ST8SIA6: variants seen among roughly 807,000 people sequenced by gnomAD.
ST8SIA6 encodes alpha-2,8-sialyltransferase 8F.
A neutral mutation model predicts 33.6 loss-of-function variants in ST8SIA6; 39 were observed. The observed-to-expected ratio is 1.16, with a 90% CI of 0.90 to 1.52. The LOEUF is 1.52. Ranked by LOEUF, ST8SIA6 falls within the 40% of genes most tolerant of loss-of-function variation. The probability of loss-of-function intolerance (pLI) is 0.00; values close to 1 mark genes in which losing one functional copy is unlikely to be tolerated. For synonymous variants in ST8SIA6, 172 were observed against 167.2 expected (o/e 1.03, Z -0.22); for missense variants, 441 against 443.8 (o/e 0.99, Z 0.06).
chr10:17,388,512 TGA>T (rs920621307), intron 3 of ST8SIA6, among the ~76,000 whole-genome samples: 10 of 152,090 alleles, frequency 6.6e-5, no homozygotes, highest in Middle Eastern at 3.4e-3. Context: ...AGTGTGTGTG[TGA>T]GAGAGAGAGA....
chr10:17,367,983 C>T (rs922043456), intron 3 of ST8SIA6, among the ~76,000 whole-genome samples: 15 of 152,116 alleles, frequency 9.9e-5, no homozygotes, highest in Admixed American at 5.9e-4. Flanking sequence ...ATATCTATTA[C>T]GTATCCGTAC....
chr10:17,357,091 T>G (rs926727822), intron 4 of ST8SIA6, among the ~76,000 whole-genome samples: 5 of 151,896 alleles, frequency 3.3e-5, no homozygotes, highest in Non-Finnish European at 5.9e-5. Flanking sequence ...CAGATCTAAA[T>G]CCAGCTCAGG....
intron 5 of ST8SIA6, among the ~76,000 whole-genome samples, 170 bp downstream of exon 5, chr10:17,331,238 C>T (rs1024215721): frequency 1.3e-5 from 2 of 152,168 alleles, no homozygotes; most frequent in African/African-American, 4.8e-5. Context: ...TACAGAGCCA[C>T]ACTGCATTCA....
intron 4 of ST8SIA6, among the ~76,000 whole-genome samples, chr10:17,351,123 A>C (rs1009482179): frequency 6.6e-6 from 1 of 151,946 alleles, no homozygotes; most frequent in Non-Finnish European, 1.5e-5. Flanking sequence ...TCTCTCTTCT[A>C]ATTGCTCTAC....
intron 3 of ST8SIA6, among the ~76,000 whole-genome samples, chr10:17,368,576 A>G (rs1564425756): frequency 6.6e-6 from 1 of 152,180 alleles, no homozygotes; most frequent in Non-Finnish European, 1.5e-5. Context: ...AGGACAATAG[A>G]AAAAGAAAGT....
intron 3 of ST8SIA6, among the ~76,000 whole-genome samples, chr10:17,382,470 T>C (rs1051819363): frequency 6.6e-6 from 1 of 152,166 alleles, no homozygotes; most frequent in Admixed American, 6.5e-5. Flanking sequence ...TTCACCATGT[T>C]GGCCAGGCTG....
At chr10:17,328,783 G>A (rs1848211921) in intron 5 of ST8SIA6, among the ~76,000 whole-genome samples, 1 of 152,122 alleles carries the variant, frequency 6.6e-6, no homozygotes, top group Non-Finnish European at 1.5e-5. Context: ...CGGTATCACG[G>A]GAATTAATTT....
chr10:17,383,417 G>C (rs1422394152), intron 3 of ST8SIA6, among the ~76,000 whole-genome samples: 1 of 152,124 alleles, frequency 6.6e-6, no homozygotes, highest in Non-Finnish European at 1.5e-5. Flanking sequence ...GTATAAATAT[G>C]TTATTGATAT....
chr10:17,328,878 G>A (rs1487986066), intron 5 of ST8SIA6, among the ~76,000 whole-genome samples: 1 of 152,188 alleles, frequency 6.6e-6, no homozygotes, highest in African/African-American at 2.4e-5. Context: ...TTGTGAGCTG[G>A]TTTTTTAAAG....
At chr10:17,331,663 G>C (rs1848306041) in intron 4 of ST8SIA6, 111 bp from the exon 5 acceptor site, 8 of 1,105,454 alleles carry the variant, frequency 7.2e-6, no homozygotes, top group Admixed American at 3.5e-5. Flanking sequence ...CTTTCAAAAA[G>C]AAGATAATTA....
At chr10:17,349,463 T>TA (rs1202446595) in intron 4 of ST8SIA6, among the ~76,000 whole-genome samples, 1 of 152,218 alleles carries the variant, frequency 6.6e-6, no homozygotes, top group Non-Finnish European at 1.5e-5. Context: ...GAGATTCTAA[T>TA]ATATAACGGA....
chr10:17,432,395 CAGG>C (rs768548240), intron 2 of ST8SIA6, among the ~76,000 whole-genome samples: 2 of 152,164 alleles, frequency 1.3e-5, no homozygotes, highest in African/African-American at 2.4e-5. Context: ...TCCGGGCAGA[CAGG>C]AGGAGAAGGT....
chr10:17,380,397 G>A (rs930102658), intron 3 of ST8SIA6, among the ~76,000 whole-genome samples: 1 of 152,128 alleles, frequency 6.6e-6, no homozygotes, highest in Non-Finnish European at 1.5e-5. Flanking sequence ...TATAATTTGT[G>A]TGATCATTGT....
intron 2 of ST8SIA6, among the ~76,000 whole-genome samples, chr10:17,423,707 C>A (rs1851849701): frequency 6.6e-6 from 1 of 152,184 alleles, no homozygotes; most frequent in African/African-American, 2.4e-5. Context: ...CCCTCCCACC[C>A]CTTTGTACTC....
chr10:17,446,847 G>A (rs1456193341), intron 2 of ST8SIA6, among the ~76,000 whole-genome samples: 2 of 151,466 alleles, frequency 1.3e-5, no homozygotes, highest in African/African-American at 4.9e-5. Flanking sequence ...TGAATCACCT[G>A]AGGTCAGGAG....
intron 2 of ST8SIA6, among the ~76,000 whole-genome samples, chr10:17,397,198 C>T (rs1430454062): frequency 6.6e-6 from 1 of 151,610 alleles, no homozygotes; most frequent in Non-Finnish European, 1.5e-5. Context: ...CTCATTTTCT[C>T]CGCGAGGGGT....
intron 2 of ST8SIA6, among the ~76,000 whole-genome samples, chr10:17,419,730 A>T (rs1851721320): frequency 5.9e-5 from 9 of 152,212 alleles, no homozygotes; most frequent in Admixed American, 5.9e-4. Context: ...AACAGTGAGC[A>T]TCATATCCCT....
intron 3 of ST8SIA6, among the ~76,000 whole-genome samples, chr10:17,375,295 C>T (rs1588856673): frequency 6.6e-6 from 1 of 152,198 alleles, no homozygotes; most frequent in South Asian, 2.1e-4. Context: ...TGATGGACAA[C>T]TTGAAACTTA....
At chr10:17,397,834 AG>A (rs901248061) in intron 2 of ST8SIA6, among the ~76,000 whole-genome samples, 1 of 152,208 alleles carries the variant, frequency 6.6e-6, no homozygotes, top group Admixed American at 6.5e-5. Context: ...ATCTTTAAAA[AG>A]GTTGGAAAAA....
Sources: allele counts gnomAD v4.1 joint callset (sites outside exome capture counted in the v4.1 genomes callset), GRCh38; gene constraint gnomAD v4.1.1; transcripts MANE v1.5; gene names NCBI Gene and HGNC (gene_info 2026-07-23, HGNC 2026-07-21).